The following TENM3 variants were observed in gnomAD, a reference collection of about 807,000 sequenced individuals.
TENM3 encodes teneurin transmembrane protein 3.
A neutral mutation model predicts 255.1 loss-of-function variants in TENM3; 63 were observed. The observed-to-expected ratio is 0.25, with a 90% CI of 0.20 to 0.30. TENM3 has a LOEUF of 0.30. Among genes scored for constraint, TENM3 ranks in the 10% least tolerant of loss-of-function variants. The probability of loss-of-function intolerance (pLI) is 1.00; values close to 1 mark genes in which losing one functional copy is unlikely to be tolerated. For missense variants in TENM3, 2,929 were observed against 3,461.1 expected, an observed-to-expected ratio of 0.85 and a Z score of 3.86; for synonymous variants, 1,306 against 1,322.3, an observed-to-expected ratio of 0.99 and a Z score of 0.27.
At chr4:182,053,748 C>A in the TENM3 span, among the ~76,000 whole-genome samples, 1 of 152,290 alleles carries the variant, frequency 6.6e-6, no homozygotes, top group East Asian at 1.9e-4. Flanking sequence ...TGAACACATC[C>A]TAGAGGCATT....
chr4:182,119,073 AC>A, the TENM3 span, among the ~76,000 whole-genome samples: 1 of 152,232 alleles, frequency 6.6e-6, no homozygotes, highest in Admixed American at 6.5e-5. Context: ...AACTGTTGTC[AC>A]CATTGCTTCT....
At chr4:182,014,023 T>C in the TENM3 span, among the ~76,000 whole-genome samples, 32 of 47,800 alleles carry the variant, frequency 6.7e-4, no homozygotes, top group Non-Finnish European at 9.3e-4. Flanking sequence ...TACGTGTATA[T>C]ACGTATATAC....
intron 1 of TENM3, among the ~76,000 whole-genome samples, chr4:182,219,687 G>A (rs528632824): frequency 2.4e-4 from 36 of 152,000 alleles, no homozygotes; most frequent in African/African-American, 7.7e-4. Flanking sequence ...AGAAAAGAAA[G>A]GAAAAGAAAA....
At chr4:182,058,605 G>T in the TENM3 span, among the ~76,000 whole-genome samples, 5 of 151,920 alleles carry the variant, frequency 3.3e-5, no homozygotes, top group Admixed American at 2.0e-4. Flanking sequence ...GAGAACTATA[G>T]TAAAAATAAT....
chr4:181,546,668 C>G, the TENM3 span, among the ~76,000 whole-genome samples: 2 of 137,452 alleles, frequency 1.5e-5, no homozygotes, highest in African/African-American at 2.8e-5. Context: ...GAGCCGAGAT[C>G]GCGCCACTGC....
chr4:181,946,141 G>A, the TENM3 span, among the ~76,000 whole-genome samples: 1 of 152,072 alleles, frequency 6.6e-6, no homozygotes, highest in Non-Finnish European at 1.5e-5. Flanking sequence ...AAATGATGAT[G>A]CAGTCTACAC....
the TENM3 span, among the ~76,000 whole-genome samples, chr4:182,109,971 TA>T: frequency 6.6e-6 from 1 of 151,874 alleles, no homozygotes; most frequent in African/African-American, 2.4e-5. Flanking sequence ...GAAAAATGAA[TA>T]AAATGTGACA....
intron 3 of TENM3, among the ~76,000 whole-genome samples, chr4:182,439,867 A>G (rs1246111995): frequency 6.6e-6 from 1 of 152,110 alleles, no homozygotes; most frequent in Non-Finnish European, 1.5e-5. Context: ...TCGTCGTTTT[A>G]CACTGCAGAT....
At chr4:181,870,697 T>C in the TENM3 span, among the ~76,000 whole-genome samples, 1 of 152,166 alleles carries the variant, frequency 6.6e-6, no homozygotes, top group Non-Finnish European at 1.5e-5. Context: ...CTTTAAAATA[T>C]CTTTTGGGTA....
At chr4:182,383,863 C>A (rs767859543) in intron 3 of TENM3, among the ~76,000 whole-genome samples, 1 of 152,168 alleles carries the variant, frequency 6.6e-6, no homozygotes, top group Non-Finnish European at 1.5e-5. Context: ...CACTTACAAC[C>A]AACTCACCTT....
chr4:182,625,555 G>A (rs1030980754), intron 4 of TENM3, among the ~76,000 whole-genome samples: 1 of 152,112 alleles, frequency 6.6e-6, no homozygotes, highest in Non-Finnish European at 1.5e-5. Context: ...AAAACGTTGG[G>A]GACCGCTGCA....
At chr4:181,946,555 A>T in the TENM3 span, among the ~76,000 whole-genome samples, 1 of 152,144 alleles carries the variant, frequency 6.6e-6, no homozygotes, top group Non-Finnish European at 1.5e-5. Context: ...TATTATACTT[A>T]TCATTAGTGT....
chr4:181,667,984 C>T, the TENM3 span, among the ~76,000 whole-genome samples: 1 of 152,056 alleles, frequency 6.6e-6, no homozygotes, highest in Non-Finnish European at 1.5e-5. Flanking sequence ...TTTCACTTGA[C>T]GAAATAGTTC....
the TENM3 span, among the ~76,000 whole-genome samples, chr4:182,059,403 T>C: frequency 9.2e-5 from 14 of 152,118 alleles, no homozygotes; most frequent in Non-Finnish European, 1.3e-4. Context: ...ACTTTCAAAG[T>C]GCATCACAAA....
At chr4:182,371,904 C>T (rs189607240) in intron 3 of TENM3, among the ~76,000 whole-genome samples, 4 of 152,170 alleles carry the variant, frequency 2.6e-5, no homozygotes, top group East Asian at 1.9e-4. Flanking sequence ...CCCTAAAAGT[C>T]GATGCAACTT....
chr4:182,408,190 T>C (rs1769718389), intron 3 of TENM3, among the ~76,000 whole-genome samples: 1 of 152,220 alleles, frequency 6.6e-6, no homozygotes, highest in Non-Finnish European at 1.5e-5. Flanking sequence ...TAGGTTCTGT[T>C]ATTAGTAAAT....
intron 3 of TENM3, among the ~76,000 whole-genome samples, chr4:182,529,357 T>A (rs1362941804): frequency 6.6e-6 from 1 of 152,184 alleles, no homozygotes; most frequent in Non-Finnish European, 1.5e-5. Context: ...GACTTTCAAG[T>A]ATAAAAAGTG....
At chr4:182,473,912 TG>T (rs1733411475) in intron 3 of TENM3, among the ~76,000 whole-genome samples, 1 of 150,944 alleles carries the variant, frequency 6.6e-6, no homozygotes, top group African/African-American at 2.4e-5. Flanking sequence ...GAGCTATGAT[TG>T]TGCCACTGCA....
the TENM3 span, among the ~76,000 whole-genome samples, chr4:181,916,479 A>G: frequency 2.2e-4 from 34 of 152,174 alleles, no homozygotes; most frequent in South Asian, 4.1e-4. Context: ...ATTTGATGTA[A>G]GGCCCTGAGA....
Sources: gnomAD v4.1 joint callset for allele counts (sites outside exome capture counted in the v4.1 genomes callset) on GRCh38, gnomAD v4.1.1 for gene constraint, MANE v1.5 for transcripts, NCBI Gene and HGNC (gene_info 2026-07-23, HGNC 2026-07-21) for gene names.